ADAMTS3: variants seen among roughly 807,000 people sequenced by gnomAD.
ADAMTS3 encodes the protein ADAM metallopeptidase with thrombospondin type 1 motif 3.
A neutral mutation model predicts 129.0 loss-of-function variants in ADAMTS3; 73 were observed. That is an observed-to-expected ratio of 0.57 (90% CI 0.47 to 0.69). ADAMTS3 has a LOEUF of 0.69. Ranked by LOEUF, ADAMTS3 falls within the 30% of genes least tolerant of loss-of-function variation. The pLI, the probability that ADAMTS3 is intolerant of heterozygous loss-of-function variation, is 0.00. For synonymous variants in ADAMTS3, 477 were observed against 510.8 expected, an observed-to-expected ratio of 0.93 and a Z score of 0.89; for missense variants, 1,457 against 1,514.5, an observed-to-expected ratio of 0.96 and a Z score of 0.63.
chr4:72,299,053 CTGTGTGTG>C (rs60439058), intron 17 of ADAMTS3, among the ~76,000 whole-genome samples: 8,564 of 138,108 alleles, frequency 0.062, 280 homozygotes, highest in Non-Finnish European at 0.074. Context: ...TATTTGCATT[CTGTGTGTG>C]TGTGTGTGTG....
At chr4:72,439,494 T>A (rs917628858) in intron 3 of ADAMTS3, among the ~76,000 whole-genome samples, 3 of 151,684 alleles carry the variant, frequency 2.0e-5, no homozygotes, top group African/African-American at 7.2e-5. Flanking sequence ...TTTTTTAAGA[T>A]GAAGCATTTC....
At chr4:72,415,820 A>G (rs1181522434) in intron 3 of ADAMTS3, among the ~76,000 whole-genome samples, 3 of 152,126 alleles carry the variant, frequency 2.0e-5, no homozygotes, top group Non-Finnish European at 4.4e-5. Flanking sequence ...ATTACAGTCA[A>G]GTAGTTGTGG....
intron 3 of ADAMTS3, among the ~76,000 whole-genome samples, chr4:72,436,680 A>C (rs1443913544): frequency 7.2e-5 from 11 of 152,146 alleles, no homozygotes; most frequent in Non-Finnish European, 1.6e-4. Flanking sequence ...GCAGCCATAA[A>C]AAAGGATGAG....
At chr4:72,442,272 A>G (rs773252504) in intron 3 of ADAMTS3, 1 of 151,758 alleles carries the variant, frequency 6.6e-6, no homozygotes, top group Non-Finnish European at 1.5e-5. Flanking sequence ...TCCATTTTGT[A>G]TTGCAATAAA....
intron 3 of ADAMTS3, among the ~76,000 whole-genome samples, chr4:72,531,943 G>A (rs1301186678): frequency 6.6e-6 from 1 of 151,956 alleles, no homozygotes; most frequent in East Asian, 1.9e-4. Flanking sequence ...GGGACTAAAA[G>A]AGGGAGTTAA....
At chr4:72,346,199 C>A (rs1346099396) in intron 4 of ADAMTS3, among the ~76,000 whole-genome samples, 1 of 152,130 alleles carries the variant, frequency 6.6e-6, no homozygotes, top group African/African-American at 2.4e-5. Context: ...CAGGTAAAAA[C>A]CTTTCCTAGA....
rs145610471 is a variant in ADAMTS3, at chr4:72,304,010, G to T, written c.2331C>A (p.Phe777Leu). Residue 777 changes from phenylalanine (F) to leucine (L), a missense_variant, in exon 17 of 22, where the codon TTC becomes TTA. Transcript: ENST00000286657. The stretch of plus-strand genomic sequence containing the variant: ...AATCCCACTCCACACCAAGATCTAT[G>T]AAGGTCCGCGACTTGGCTTCCTCCC... ...GKGEEAKSRT[F>L]IDLGVEWDYN... 2.5e-6 allele frequency: 4 copies of T among 1,613,780 alleles called. No individual in the cohort carries two copies. Among genetic ancestry groups the T allele is most frequent in the Non-Finnish European group, 3.4e-6 (4 of 1,179,758 alleles).
Position 72,518,625 on chromosome 4 carries a change from T to A in ADAMTS3, c.504+29853A>T, listed in dbSNP as rs576029349. On this transcript the variant is annotated intron_variant, in intron 3 of 21. Coordinates refer to ENST00000286657, the MANE Select transcript of ADAMTS3 (RefSeq NM_014243.3). ...TTTGTCTCTTTTGATCTTTGTTGGTTTAAAGTCTGTTTTATCACGGACTAG... is the reference window on the plus strand; with the variant it reads ...TTTGTCTCTTTTGATCTTTGTTGGTATAAAGTCTGTTTTATCACGGACTAG... Among the ~76,000 whole-genome samples the A allele has an allele frequency of 7.9e-5, 12 of 152,320 alleles. No individual in the cohort carries two copies. In the South Asian group the frequency reaches 2.5e-3, roughly 32 times the overall value.
At chr4:72,430,395 G>A (rs956108506) in intron 3 of ADAMTS3, among the ~76,000 whole-genome samples, 4 of 151,970 alleles carry the variant, frequency 2.6e-5, no homozygotes, top group Admixed American at 6.6e-5. Context: ...CATATGGAGA[G>A]GCTGTGTAGG....
chr4:72,305,227 GA>G (rs969461065), intron 16 of ADAMTS3, among the ~76,000 whole-genome samples: 8 of 150,974 alleles, frequency 5.3e-5, no homozygotes, highest in African/African-American at 1.7e-4. Flanking sequence ...TCTCATAAAA[GA>G]AAAAAAAATC....
chr4:72,403,568 C>CTAT (rs1258250342), intron 4 of ADAMTS3, among the ~76,000 whole-genome samples: 1 of 151,768 alleles, frequency 6.6e-6, no homozygotes, highest in Non-Finnish European at 1.5e-5. Context: ...GATGTCAAAG[C>CTAT]TATATTTGTG....
At chr4:72,489,257 A>C (rs1719671672) in intron 3 of ADAMTS3, among the ~76,000 whole-genome samples, 2 of 151,914 alleles carry the variant, frequency 1.3e-5, no homozygotes, top group Non-Finnish European at 2.9e-5. Context: ...TGAGATAGTG[A>C]TTTTTCTTGT....
In ADAMTS3 at chr4:72,283,078, G is replaced by T. The variant is rs1718394050; in HGVS notation, c.*58C>A. 5 of 1,414,170 alleles carry T rather than the reference G, an allele frequency of 3.5e-6. No homozygotes were observed. The Admixed American group carries it at 8.1e-5, about 23-fold the overall frequency. 87.6% of individuals were successfully genotyped at this position (1,414,170 alleles called of 1,614,324 possible). ...CACTTTAAACAAGCATATGCACCAT[G>T]GGAAGAGAGAGGTTGTCCAGGTTTT... On this transcript the variant is annotated 3_prime_UTR_variant, in exon 22 of 22. Transcript: ENST00000286657.
At chr4:72,298,205 C>A in intron 18 of ADAMTS3, 72 bp downstream of exon 18, 1 of 1,293,246 alleles carries the variant, frequency 7.7e-7, no homozygotes, top group Non-Finnish European at 1.1e-6. Flanking sequence ...TTAGAGACAG[C>A]AATAAAGGTA....
At chr4:72,295,929 G>T in intron 18 of ADAMTS3, 143 bp from the exon 19 acceptor site, 1 of 981,164 alleles carries the variant, frequency 1.0e-6, no homozygotes. Context: ...TTCAATAGGT[G>T]CTGAAGGTCC....
intron 21 of ADAMTS3, among the ~76,000 whole-genome samples, chr4:72,284,033 T>C (rs1718433235): frequency 6.6e-6 from 1 of 152,194 alleles, no homozygotes; most frequent in Admixed American, 6.5e-5. Context: ...AACGTTGTGG[T>C]TAAATTTTTA....
rs142365304 is a variant in ADAMTS3, at chr4:72,541,746, T to C, written c.504+6732A>G. Among the ~76,000 whole-genome samples the C allele has an allele frequency of 5.7e-3, 873 of 151,846 alleles. 6 individuals carry two copies. Among genetic ancestry groups the C allele is most frequent in the African/African-American group, 0.017 (710 of 41,118 alleles). On this transcript the variant is annotated intron_variant, in intron 3 of 21. Coordinates refer to ENST00000286657, the MANE Select transcript of ADAMTS3 (RefSeq NM_014243.3). ...CTGCACATGCTCTCTTGCCTGCCAC[T>C]ATGTAAGATGTGCCTTTGTTCCTCC...
intron 3 of ADAMTS3, among the ~76,000 whole-genome samples, chr4:72,522,765 T>C (rs1405541445): frequency 2.0e-5 from 3 of 152,164 alleles, no homozygotes; most frequent in African/African-American, 7.2e-5. Flanking sequence ...ATCTTCATTT[T>C]TGACAGTGTT....
intron 3 of ADAMTS3, among the ~76,000 whole-genome samples, chr4:72,524,475 T>C (rs990689568): frequency 3.3e-5 from 5 of 152,224 alleles, no homozygotes; most frequent in Non-Finnish European, 2.9e-5. Context: ...CTTTTTAATG[T>C]CCTAGGCACT....
Sources: allele counts gnomAD v4.1 joint callset (sites outside exome capture counted in the v4.1 genomes callset), GRCh38; gene constraint gnomAD v4.1.1; transcripts MANE v1.5; gene names NCBI Gene and HGNC (gene_info 2026-07-23, HGNC 2026-07-21).